Variants in RPH3A observed in about 807,000 individuals in gnomAD.
The protein encoded by RPH3A is rabphilin 3A, also known as rabphilin-3A.
In RPH3A, 48 loss-of-function variants were observed where a neutral mutation model predicts 102.2. The ratio of observed to expected loss-of-function variants is 0.47; its 90% confidence interval spans 0.37 to 0.60. The LOEUF is 0.60. Ranked by LOEUF, RPH3A falls within the 20% of genes least tolerant of loss-of-function variation. RPH3A has a pLI of 0.00. For synonymous variants in RPH3A, 310 were observed against 324.3 expected (o/e 0.96, Z 0.47); for missense variants, 781 against 910.1 (o/e 0.86, Z 1.83).
intron 1 of RPH3A, among the ~76,000 whole-genome samples, chr12:112,634,200 T>A (rs2039828941): frequency 1.5e-5 from 2 of 132,294 alleles, no homozygotes; most frequent in African/African-American, 5.9e-5. Flanking sequence ...TACAAAAAAT[T>A]AGCCGGGCGT....
intron 1 of RPH3A, among the ~76,000 whole-genome samples, chr12:112,629,554 G>A (rs2039789630): frequency 1.4e-5 from 2 of 142,810 alleles, no homozygotes; most frequent in African/African-American, 5.3e-5. Context: ...ATAACTCACT[G>A]CAGCCTCGAC....
At chr12:112,668,672 G>A (rs948098926) in intron 1 of RPH3A, among the ~76,000 whole-genome samples, 7 of 152,156 alleles carry the variant, frequency 4.6e-5, no homozygotes, top group Non-Finnish European at 8.8e-5. Flanking sequence ...GTGGGGGCAA[G>A]GGGAGGGAGA....
At chr12:112,863,318 T>G (rs1283049512) in intron 5 of RPH3A, among the ~76,000 whole-genome samples, 1 of 151,624 alleles carries the variant, frequency 6.6e-6, no homozygotes, top group African/African-American at 2.4e-5. Flanking sequence ...TTCTAGGGGG[T>G]TTTGTTGTTG....
chr12:112,869,728 A>T (rs750921318), intron 8 of RPH3A, 31 bp from the exon 9 acceptor site: 1 of 1,612,256 alleles, frequency 6.2e-7, no homozygotes, highest in Non-Finnish European at 8.5e-7. Flanking sequence ...GAAAACCAGT[A>T]CTCCTCATAA....
intron 1 of RPH3A, among the ~76,000 whole-genome samples, chr12:112,659,988 C>A (rs2040038473): frequency 6.6e-6 from 1 of 152,154 alleles, no homozygotes; most frequent in Non-Finnish European, 1.5e-5. Flanking sequence ...AAGCTAGGAT[C>A]TGGGTATGAG....
At chr12:112,650,566 T>A (rs2039966487) in intron 1 of RPH3A, among the ~76,000 whole-genome samples, 2 of 152,140 alleles carry the variant, frequency 1.3e-5, no homozygotes, top group Non-Finnish European at 2.9e-5. Flanking sequence ...TATATCCTTT[T>A]TTATTTTATT....
At chr12:112,691,595 G>A (rs773574111) in intron 1 of RPH3A, among the ~76,000 whole-genome samples, 4 of 152,140 alleles carry the variant, frequency 2.6e-5, no homozygotes, top group Non-Finnish European at 5.9e-5. Flanking sequence ...AATTTCCTAT[G>A]AATCCTAGCT....
At chr12:112,837,068 G>A (rs1416942410) in intron 4 of RPH3A, among the ~76,000 whole-genome samples, 2 of 152,146 alleles carry the variant, frequency 1.3e-5, no homozygotes, top group Non-Finnish European at 1.5e-5. Flanking sequence ...ATTGGATGAC[G>A]GGTCCAATAA....
intron 1 of RPH3A, among the ~76,000 whole-genome samples, chr12:112,782,230 C>T (rs1035466983): frequency 3.3e-5 from 5 of 152,242 alleles, no homozygotes; most frequent in African/African-American, 1.2e-4. Context: ...TGATTACCTG[C>T]TAATGCATGA....
chr12:112,896,573 T>C lies in RPH3A; in HGVS notation c.1955-77T>C. ...TGGGGGTCACTGCTTGGTGCAGTTT[T>C]TTCCCCAACTACACATTTGGGTCTA... On this transcript the variant is annotated intron_variant, in intron 21 of 21. Coordinates refer to ENST00000389385, the MANE Select transcript of RPH3A (RefSeq NM_001143854.2). 3.2e-6 allele frequency: 5 copies of C among 1,566,236 alleles called. No homozygotes were observed. The South Asian group carries it at 4.6e-5, about 15-fold the overall frequency.
chr12:112,575,514 C>A (rs2039352192), intron 1 of RPH3A, among the ~76,000 whole-genome samples: 1 of 151,834 alleles, frequency 6.6e-6, no homozygotes, highest in African/African-American at 2.4e-5. Context: ...GCGGGGAGAC[C>A]CGCGCAGGAC....
intron 1 of RPH3A, among the ~76,000 whole-genome samples, chr12:112,760,065 C>A (rs1308411194): frequency 6.6e-6 from 1 of 152,182 alleles, no homozygotes; most frequent in African/African-American, 2.4e-5. Context: ...CTTTGACAAA[C>A]CTGAGGAAGC....
At chr12:112,883,254 C>G in intron 15 of RPH3A, 39 bp from the exon 16 acceptor site, 1 of 1,542,104 alleles carries the variant, frequency 6.5e-7, no homozygotes, top group Non-Finnish European at 8.9e-7. Flanking sequence ...TGGCTCCCCA[C>G]TGAGGTAGGT....
At chr12:112,739,284 C>T (rs148412940) in intron 1 of RPH3A, among the ~76,000 whole-genome samples, 1 of 152,104 alleles carries the variant, frequency 6.6e-6, no homozygotes, top group Non-Finnish European at 1.5e-5. Flanking sequence ...TTTTTGAACA[C>T]CTGCATGAAC....
intron 2 of RPH3A, among the ~76,000 whole-genome samples, chr12:112,823,494 C>A (rs772269664): frequency 6.6e-6 from 1 of 152,122 alleles, no homozygotes; most frequent in Non-Finnish European, 1.5e-5. Flanking sequence ...ATCCTATACC[C>A]GATAAGTATA....
intron 1 of RPH3A, among the ~76,000 whole-genome samples, chr12:112,670,654 C>T (rs948147867): frequency 3.3e-5 from 5 of 152,270 alleles, no homozygotes; most frequent in African/African-American, 1.2e-4. Flanking sequence ...GGCTGGGTCT[C>T]ATCTGTCTTA....
chr12:112,862,394 G>C lies in RPH3A; in HGVS notation c.231-3020G>C, dbSNP rs574537319. ...CACTCTGGCCTGGATGGCAGAGCAA[G>C]GCCCTATCTCTAAAAATAATAGTAA... On this transcript the variant is annotated intron_variant, in intron 5 of 21. Coordinates refer to ENST00000389385, the MANE Select transcript of RPH3A (RefSeq NM_001143854.2). Among the ~76,000 whole-genome samples, 19 of 152,260 alleles carry C rather than the reference G, an allele frequency of 1.2e-4. No individual in the cohort carries two copies. In the South Asian group the frequency reaches 2.5e-3, roughly 20 times the overall value.
chr12:112,871,326 T>A (rs2042704496), intron 10 of RPH3A, among the ~76,000 whole-genome samples: 1 of 152,198 alleles, frequency 6.6e-6, no homozygotes, highest in Non-Finnish European at 1.5e-5. Context: ...AAACTGAAAC[T>A]TTGTATCCAT....
chr12:112,873,266 T>C (rs966648147), intron 10 of RPH3A, among the ~76,000 whole-genome samples: 5 of 152,254 alleles, frequency 3.3e-5, no homozygotes, highest in African/African-American at 1.2e-4. Flanking sequence ...TGTAGTCATC[T>C]TCACATAATA....
Sources: allele counts gnomAD v4.1 joint callset (sites outside exome capture counted in the v4.1 genomes callset), GRCh38; gene constraint gnomAD v4.1.1; transcripts MANE v1.5; gene names NCBI Gene and HGNC (gene_info 2026-07-23, HGNC 2026-07-21).